Variants in GPC5 observed in about 807,000 individuals in gnomAD.
GPC5 encodes the protein glypican 5.
A neutral mutation model predicts 53.9 loss-of-function variants in GPC5; 47 were observed. The observed-to-expected ratio is 0.87, with a 90% confidence interval of 0.69 to 1.11. The LOEUF is 1.11. Ranked by LOEUF, GPC5 falls within the 50% of genes most tolerant of loss-of-function variation. The pLI is 0.00. For missense variants in GPC5, 748 were observed against 713.1 expected, an observed-to-expected ratio of 1.05 and a Z score of -0.56; for synonymous variants, 286 against 263.3, an observed-to-expected ratio of 1.09 and a Z score of -0.84.
At chr13:92,681,168 A>G (rs140934439) in intron 7 of GPC5, among the ~76,000 whole-genome samples, 1 of 151,808 alleles carries the variant, frequency 6.6e-6, no homozygotes, top group Non-Finnish European at 1.5e-5. Context: ...TCAGTAAGCG[A>G]TTTACCTCCT....
In GPC5 at chr13:91,950,451, A is replaced by G. The variant is rs146982619; in HGVS notation, c.1401+42394A>G. ...ATAAGCATCCCACAAATCCACAGGG[A>G]ACTTTTATTACTCTACCTTCTGTGC... On this transcript the variant is annotated intron_variant, in intron 6 of 7. Coordinates refer to ENST00000377067, the MANE Select transcript of GPC5 (RefSeq NM_004466.6). Among the ~76,000 whole-genome samples, 4 of 149,944 alleles carry G rather than the reference A, an allele frequency of 2.7e-5. No individual in the cohort carries two copies. In the East Asian group the frequency reaches 8.1e-4, roughly 30 times the overall value.
At chr13:91,403,072 T>C (rs1483221593) in intron 1 of GPC5, among the ~76,000 whole-genome samples, 2 of 152,244 alleles carry the variant, frequency 1.3e-5, no homozygotes, top group African/African-American at 4.8e-5. Context: ...TAGTCACTCA[T>C]GGACAGTAAT....
At chr13:92,422,805 T>A (rs1159960523) in intron 7 of GPC5, among the ~76,000 whole-genome samples, 1 of 152,226 alleles carries the variant, frequency 6.6e-6, no homozygotes, top group Non-Finnish European at 1.5e-5. Flanking sequence ...TTATACAAGC[T>A]ATTTGATTAC....
chr13:92,637,178 AT>A (rs1413995203), intron 7 of GPC5, among the ~76,000 whole-genome samples: 3 of 152,116 alleles, frequency 2.0e-5, no homozygotes, highest in Non-Finnish European at 4.4e-5. Context: ...GACAAAAATG[AT>A]TTTTCTGAAG....
intron 6 of GPC5, among the ~76,000 whole-genome samples, chr13:91,964,056 G>C (rs1034955771): frequency 1.3e-5 from 2 of 152,018 alleles, no homozygotes; most frequent in Non-Finnish European, 2.9e-5. Context: ...GGACTCTCGC[G>C]GTGTTACAGT....
At chr13:92,410,305 T>C (rs1875988260) in intron 7 of GPC5, among the ~76,000 whole-genome samples, 1 of 152,184 alleles carries the variant, frequency 6.6e-6, no homozygotes. Flanking sequence ...TGATACTCTC[T>C]GATTCTATGA....
chr13:92,009,370 C>CT (rs1362807210), intron 6 of GPC5, among the ~76,000 whole-genome samples: 8 of 150,738 alleles, frequency 5.3e-5, no homozygotes, highest in Non-Finnish European at 7.4e-5. Context: ...TATTTTTAAG[C>CT]TTTTTTGTGG....
intron 7 of GPC5, among the ~76,000 whole-genome samples, chr13:92,561,233 C>T (rs1463067450): frequency 6.6e-6 from 1 of 151,924 alleles, no homozygotes; most frequent in South Asian, 2.1e-4. Context: ...CGCTTATTTA[C>T]ATACGATCAT....
chr13:92,258,918 T>G (rs1381919792), intron 7 of GPC5, among the ~76,000 whole-genome samples: 2 of 152,184 alleles, frequency 1.3e-5, no homozygotes, highest in African/African-American at 4.8e-5. Flanking sequence ...AGAGAGTTAC[T>G]GCACTCCAGT....
chr13:91,717,871 A>G (rs540293695), intron 3 of GPC5, among the ~76,000 whole-genome samples: 1 of 151,632 alleles, frequency 6.6e-6, no homozygotes, highest in South Asian at 2.1e-4. Flanking sequence ...CACATTTTAA[A>G]CCCCTAGCTG....
intron 2 of GPC5, among the ~76,000 whole-genome samples, chr13:91,528,885 C>A (rs547903906): frequency 1.6e-4 from 25 of 152,250 alleles, no homozygotes; most frequent in Non-Finnish European, 2.2e-4. Flanking sequence ...CATCAGAGTG[C>A]GTGAGAACCC....
At chr13:92,255,358 G>A (rs1385540320) in intron 7 of GPC5, among the ~76,000 whole-genome samples, 4 of 152,086 alleles carry the variant, frequency 2.6e-5, no homozygotes, top group Admixed American at 6.6e-5. Flanking sequence ...AATGTGATTC[G>A]TCTTAATTCA....
chr13:92,263,322 G>A (rs1000308969), intron 7 of GPC5, among the ~76,000 whole-genome samples: 5 of 152,090 alleles, frequency 3.3e-5, no homozygotes, highest in Non-Finnish European at 1.5e-5. Flanking sequence ...GAGCACAGAC[G>A]CATTCTTGAG....
intron 6 of GPC5, among the ~76,000 whole-genome samples, chr13:91,985,658 A>G (rs2040400152): frequency 1.3e-5 from 2 of 152,142 alleles, no homozygotes; most frequent in African/African-American, 4.8e-5. Context: ...GTTGTAGCCT[A>G]TTTTAAGATA....
chr13:91,496,051 A>C (rs897086266), intron 2 of GPC5, among the ~76,000 whole-genome samples: 6 of 151,966 alleles, frequency 3.9e-5, no homozygotes, highest in Non-Finnish European at 8.8e-5. Flanking sequence ...AAAATAAATA[A>C]AAAATAAAAT....
chr13:92,217,911 C>CGTT (rs2042422401), intron 7 of GPC5, among the ~76,000 whole-genome samples: 2 of 85,214 alleles, frequency 2.3e-5, no homozygotes, highest in African/African-American at 1.0e-4. Context: ...ATTATTTCTA[C>CGTT]TTTTTTTTTT....
At chr13:91,591,098 A>G (rs1452465645) in intron 2 of GPC5, among the ~76,000 whole-genome samples, 2 of 152,166 alleles carry the variant, frequency 1.3e-5, no homozygotes, top group African/African-American at 4.8e-5. Flanking sequence ...AGCTCCTAAG[A>G]CAGTGATAGG....
chr13:91,706,234 A>G (rs2036103207), intron 3 of GPC5, among the ~76,000 whole-genome samples: 1 of 151,710 alleles, frequency 6.6e-6, no homozygotes, highest in Non-Finnish European at 1.5e-5. Flanking sequence ...TTTATGGACC[A>G]TACTAAGATC....
intron 7 of GPC5, among the ~76,000 whole-genome samples, chr13:92,398,828 A>G (rs1055471429): frequency 6.6e-6 from 1 of 152,162 alleles, no homozygotes; most frequent in African/African-American, 2.4e-5. Context: ...GCTTCAGGTC[A>G]TCCTGTCCTT....
Sources: allele counts gnomAD v4.1 joint callset (sites outside exome capture counted in the v4.1 genomes callset), GRCh38; gene constraint gnomAD v4.1.1; transcripts MANE v1.5; gene names NCBI Gene and HGNC (gene_info 2026-07-23, HGNC 2026-07-21).